IL19: variants seen among roughly 807,000 people sequenced by gnomAD.
IL19 encodes interleukin-19.
A neutral mutation model predicts 19.5 loss-of-function variants in IL19; 15 were observed. The ratio of observed to expected loss-of-function variants is 0.77; its 90% confidence interval spans 0.52 to 1.19. The LOEUF is 1.19. Among genes scored for constraint, IL19 ranks in the 50% most tolerant of loss-of-function variants. The pLI is 0.00. For synonymous variants in IL19, 78 were observed against 78.3 expected, an observed-to-expected ratio of 1.00 and a Z score of 0.02; for missense variants, 199 against 213.1, an observed-to-expected ratio of 0.93 and a Z score of 0.41.
intron 1 of IL19, among the ~76,000 whole-genome samples, chr1:206,781,682 C>G (rs1307375811): frequency 6.6e-6 from 1 of 150,810 alleles, no homozygotes; most frequent in Non-Finnish European, 1.5e-5. Context: ...CCCCTCTTAG[C>G]TCATAGACTA....
At chr1:206,818,070 G>A (rs1377007336) in intron 2 of IL19, among the ~76,000 whole-genome samples, 1 of 152,106 alleles carries the variant, frequency 6.6e-6, no homozygotes, top group Non-Finnish European at 1.5e-5. Flanking sequence ...GGCCAATTAT[G>A]GTAGAAGATT....
intron 1 of IL19, chr1:206,772,600 T>C: frequency 1.5e-6 from 1 of 666,880 alleles, no homozygotes; most frequent in Non-Finnish European, 2.6e-6. Flanking sequence ...TTTTTCTGCT[T>C]AGAGCTCCTC....
In IL19 at chr1:206,798,965, T is replaced by A; in HGVS notation, c.-44T>A. 1.9e-6 allele frequency: 3 copies of A among 1,613,550 alleles called. No homozygotes were observed. Among genetic ancestry groups the A allele is most frequent in the Non-Finnish European group, 2.5e-6 (3 of 1,179,514 alleles). On this transcript the variant is annotated 5_prime_UTR_variant, in exon 2 of 7. Coordinates refer to ENST00000659997, the MANE Select transcript of IL19 (RefSeq NM_153758.5). ...CCACTCACACATGTGCACACACATA[T>A]CCATGTGTGTGTGCCAGTGCTTTGG...
intron 2 of IL19, among the ~76,000 whole-genome samples, chr1:206,815,705 T>C (rs571957131): frequency 6.6e-6 from 1 of 152,118 alleles, no homozygotes; most frequent in African/African-American, 2.4e-5. Context: ...ACCAGACATA[T>C]CTTAAAAGCA....
intron 2 of IL19, among the ~76,000 whole-genome samples, chr1:206,818,763 T>C (rs1676223177): frequency 6.6e-6 from 1 of 152,104 alleles, no homozygotes; most frequent in South Asian, 2.1e-4. Flanking sequence ...AGATCTTACT[T>C]AGGTTTAGAG....
rs149711277 is a variant in IL19, at chr1:206,780,167, C to A, written c.-149+9089C>A. 2.7e-3 allele frequency among the ~76,000 whole-genome samples: 417 copies of A among 152,300 alleles called. 3 individuals are homozygous for A. Among genetic ancestry groups the A allele is most frequent in the African/African-American group, 9.5e-3 (393 of 41,558 alleles). On this transcript the variant is annotated intron_variant, in intron 1 of 6. Coordinates refer to ENST00000659997, the MANE Select transcript of IL19 (RefSeq NM_153758.5). The stretch of plus-strand genomic sequence containing the variant: ...TCTTCTCAGAACACCTTGCTCCCAC[C>A]CCTCTGTAGTATTTATGTCAGTTTG...
intron 1 of IL19, among the ~76,000 whole-genome samples, chr1:206,793,011 C>T (rs1675443103): frequency 2.0e-5 from 3 of 152,180 alleles, no homozygotes; most frequent in Admixed American, 6.5e-5. Flanking sequence ...TCCCTTGCCC[C>T]AAGAATGGTT....
At position 206,771,065 on chromosome 1, in the gene IL19, G is replaced by C; in HGVS notation, c.-162G>C. The C allele has an allele frequency of 1.9e-6, 3 of 1,613,986 alleles. No homozygotes were observed. Among genetic ancestry groups the C allele is most frequent in the Non-Finnish European group, 2.5e-6 (3 of 1,179,922 alleles). The stretch of plus-strand genomic sequence containing the variant: ...GCTTGGCAACCCAGGTAACCCTAAG[G>C]GCAGGAGCCAAAGGTGAGTGAGAGA... On this transcript the variant is annotated 5_prime_UTR_variant, in exon 1 of 7. Transcript: ENST00000659997.
intron 1 of IL19, among the ~76,000 whole-genome samples, chr1:206,771,839 G>T (rs1423860700): frequency 6.6e-6 from 1 of 152,232 alleles, no homozygotes; most frequent in African/African-American, 2.4e-5. Context: ...TCCTTCTAAT[G>T]CAGGTTTCCC....
At chr1:206,771,939 G>T (rs1279454725) in intron 1 of IL19, among the ~76,000 whole-genome samples, 1 of 152,172 alleles carries the variant, frequency 6.6e-6, no homozygotes, top group South Asian at 2.1e-4. Context: ...TGCAAGGCAT[G>T]GGGAGCATCT....
At chr1:206,833,751 A>G in intron 2 of IL19, 3 of 985,522 alleles carry the variant, frequency 3.0e-6, no homozygotes, top group Non-Finnish European at 3.6e-6. Flanking sequence ...CAAGAATGAG[A>G]GAACCCTCCA....
At chr1:206,837,376 G>A (rs1676833687) in intron 4 of IL19, among the ~76,000 whole-genome samples, 1 of 152,136 alleles carries the variant, frequency 6.6e-6, no homozygotes, top group African/African-American at 2.4e-5. Context: ...TGAATAAGAG[G>A]GAGGAAGGAA....
chr1:206,782,076 TATC>T (rs1189073706), intron 1 of IL19, among the ~76,000 whole-genome samples: 11 of 147,420 alleles, frequency 7.5e-5, no homozygotes, highest in Admixed American at 5.5e-4. Flanking sequence ...TGTAAACATT[TATC>T]ATATTAGAAA....
intron 2 of IL19, among the ~76,000 whole-genome samples, chr1:206,817,516 A>G (rs771700589): frequency 6.6e-6 from 1 of 152,218 alleles, no homozygotes; most frequent in South Asian, 2.1e-4. Flanking sequence ...AAAGCTGGCT[A>G]TCTACATATG....
intron 1 of IL19, among the ~76,000 whole-genome samples, chr1:206,789,534 G>A (rs1314758414): frequency 6.6e-6 from 1 of 152,098 alleles, no homozygotes; most frequent in African/African-American, 2.4e-5. Context: ...TTTTATGGCT[G>A]AGTGGTACTC....
At chr1:206,808,654 C>T (rs765185382) in intron 2 of IL19, among the ~76,000 whole-genome samples, 13 of 152,034 alleles carry the variant, frequency 8.6e-5, no homozygotes, top group South Asian at 4.1e-4. Flanking sequence ...CAAGAAAACT[C>T]GCGGTAGGTT....
Position 206,842,584 on chromosome 1 carries a change from T to C in IL19, c.496T>C (p.Trp166Arg). Residue 166 changes from tryptophan to arginine, a missense_variant, in exon 7 of 7, where the codon TGG becomes CGG. Trp to Arg is a moderately radical substitution (Grantham distance 101, BLOSUM62 -3). Coordinates refer to ENST00000659997, the MANE Select transcript of IL19 (RefSeq NM_153758.5). ...SLGELDVFLA[W>R]INKNHEVMFS... The stretch of plus-strand genomic sequence containing the variant: ...GGGAGAGCTCGACGTCTTTCTAGCC[T>C]GGATTAATAAGAATCATGAAGTAAT... The C allele has an allele frequency of 1.3e-6, 2 of 1,576,024 alleles. No homozygotes were observed. The highest frequency in any genetic ancestry group is 1.7e-4 in the Middle Eastern group (1 of 6,008).
intron 2 of IL19, among the ~76,000 whole-genome samples, chr1:206,820,391 GCCTAAAGA>G (rs935348291): frequency 3.9e-5 from 6 of 152,154 alleles, no homozygotes; most frequent in Non-Finnish European, 4.4e-5. Context: ...TATATTTGGA[GCCTAAAGA>G]CCTACTAGCA....
intron 1 of IL19, among the ~76,000 whole-genome samples, chr1:206,777,636 C>G (rs1208283725): frequency 1.3e-5 from 2 of 152,178 alleles, no homozygotes; most frequent in Admixed American, 1.3e-4. Flanking sequence ...GCAACACGGT[C>G]AGCCGGCAGA....
Sources: gnomAD v4.1 joint callset for allele counts (sites outside exome capture counted in the v4.1 genomes callset) on GRCh38, gnomAD v4.1.1 for gene constraint, MANE v1.5 for transcripts, NCBI Gene and HGNC (gene_info 2026-07-23, HGNC 2026-07-21) for gene names.